ELOVL6: variants seen among roughly 807,000 people sequenced by gnomAD.
The protein encoded by ELOVL6 is very long chain fatty acid elongase 6.
ELOVL6 carries 8 observed loss-of-function variants against 31.7 expected under a neutral mutation model. That is an observed-to-expected ratio of 0.25 (90% CI 0.15 to 0.45). ELOVL6 has a LOEUF of 0.45. Among genes scored for constraint, ELOVL6 ranks in the 20% least tolerant of loss-of-function variants. The pLI, the probability that ELOVL6 is intolerant of heterozygous loss-of-function variation, is 1.00. For synonymous variants in ELOVL6, 101 were observed against 117.7 expected (o/e 0.86, Z 0.92); for missense variants, 126 against 326.4 (o/e 0.39, Z 4.73).
chr4:110,189,864 G>T (rs1156596062), intron 1 of ELOVL6, among the ~76,000 whole-genome samples: 1 of 151,776 alleles, frequency 6.6e-6, no homozygotes, highest in Non-Finnish European at 1.5e-5. Flanking sequence ...CTACTCGGGA[G>T]GCTGAGGCAG....
chr4:110,059,936 G>A (rs1755093160), intron 2 of ELOVL6, 182 bp from the exon 3 acceptor site: 1 of 541,610 alleles, frequency 1.8e-6, no homozygotes, highest in Non-Finnish European at 3.2e-6. Flanking sequence ...TGACTCAAGG[G>A]CTTTATTCTG....
intron 2 of ELOVL6, among the ~76,000 whole-genome samples, chr4:110,076,966 G>A (rs111990895): frequency 0.078 from 11,805 of 152,200 alleles, 613 homozygotes; most frequent in East Asian, 0.18. Flanking sequence ...AGGGTCCTAC[G>A]CCCACAGAGC....
intron 1 of ELOVL6, among the ~76,000 whole-genome samples, chr4:110,108,055 T>C (rs1756933227): frequency 6.6e-6 from 1 of 152,196 alleles, no homozygotes; most frequent in East Asian, 1.9e-4. Flanking sequence ...ACATAATCAT[T>C]GCATAATGTG....
chr4:110,168,001 T>A (rs1432513146), intron 1 of ELOVL6, among the ~76,000 whole-genome samples: 4 of 152,210 alleles, frequency 2.6e-5, no homozygotes, highest in Non-Finnish European at 5.9e-5. Flanking sequence ...ATTAAATGCT[T>A]AATTCCAATT....
At chr4:110,084,962 T>G (rs75940900) in intron 2 of ELOVL6, among the ~76,000 whole-genome samples, 4,286 of 152,200 alleles carry the variant, frequency 0.028, 72 homozygotes, top group Middle Eastern at 0.11. Context: ...ACAGGGTGGA[T>G]AATGACACTA....
At chr4:110,055,516 G>A (rs867698001) in intron 3 of ELOVL6, among the ~76,000 whole-genome samples, 3 of 152,088 alleles carry the variant, frequency 2.0e-5, no homozygotes, top group Non-Finnish European at 4.4e-5. Context: ...CAGCTTTCAG[G>A]CAGGGCATGT....
intron 1 of ELOVL6, among the ~76,000 whole-genome samples, chr4:110,119,638 C>A (rs1757284112): frequency 6.6e-6 from 1 of 152,160 alleles, no homozygotes; most frequent in South Asian, 2.1e-4. Context: ...ATCTATATAT[C>A]TTTTTACATC....
In ELOVL6 at chr4:110,105,532, T is replaced by C. The variant is rs1275021343; in HGVS notation, c.186A>G (p.Pro62=). 3 of 1,613,708 alleles carry C rather than the reference T, an allele frequency of 1.9e-6. No homozygotes were observed. Among genetic ancestry groups the C allele is most frequent in the East Asian group, 2.2e-5 (1 of 44,868 alleles). The change falls in exon 2 of 4, where the codon CCA becomes CCG. Residue 62 remains proline (P), a synonymous_variant. Transcript: ENST00000302274. ...CAAGGGTCAGAGACCAGAGCACTAATGGCTTCCTCAGTTCAAACTTTGCTC... is the reference window on the plus strand; with the variant it reads ...CAAGGGTCAGAGACCAGAGCACTAACGGCTTCCTCAGTTCAAACTTTGCTC... ...NKRAKFELRK[P]LVLWSLTLAV...
chr4:110,123,072 G>C (rs1158286295), intron 1 of ELOVL6, among the ~76,000 whole-genome samples: 1 of 152,086 alleles, frequency 6.6e-6, no homozygotes, highest in African/African-American at 2.4e-5. Context: ...ACTCAACTTT[G>C]TATGCCCAGG....
At chr4:110,084,436 A>G (rs1578468016) in intron 2 of ELOVL6, among the ~76,000 whole-genome samples, 1 of 103,232 alleles carries the variant, frequency 9.7e-6, no homozygotes, top group Non-Finnish European at 1.9e-5. Context: ...CATATATCAT[A>G]TATGATATAT....
At chr4:110,086,511 T>C (rs1756268614) in intron 2 of ELOVL6, among the ~76,000 whole-genome samples, 1 of 152,106 alleles carries the variant, frequency 6.6e-6, no homozygotes, top group Non-Finnish European at 1.5e-5. Flanking sequence ...CACATGAGAG[T>C]AGTGTGTTAG....
chr4:110,181,283 C>T (rs1759264460), intron 1 of ELOVL6, among the ~76,000 whole-genome samples: 1 of 151,980 alleles, frequency 6.6e-6, no homozygotes, highest in Non-Finnish European at 1.5e-5. Flanking sequence ...CCTATGTCTA[C>T]TAAAAATACA....
chr4:110,052,041 C>G (rs1754850263), intron 3 of ELOVL6, among the ~76,000 whole-genome samples: 1 of 152,220 alleles, frequency 6.6e-6, no homozygotes, highest in Non-Finnish European at 1.5e-5. Flanking sequence ...TCTTCACACA[C>G]AGGAGGCAAG....
At chr4:110,121,487 T>C (rs969088019) in intron 1 of ELOVL6, among the ~76,000 whole-genome samples, 1 of 152,102 alleles carries the variant, frequency 6.6e-6, no homozygotes, top group Admixed American at 6.5e-5. Context: ...TTCTTAACAG[T>C]AGTAGTTTTT....
chr4:110,185,031 G>C (rs1002055199), intron 1 of ELOVL6, among the ~76,000 whole-genome samples: 17 of 152,166 alleles, frequency 1.1e-4, no homozygotes, highest in Admixed American at 7.2e-4. Context: ...ATGTAAGTCT[G>C]ATTCAATACC....
intron 1 of ELOVL6, among the ~76,000 whole-genome samples, chr4:110,193,492 CTG>C (rs1759684377): frequency 6.6e-6 from 1 of 152,112 alleles, no homozygotes; most frequent in African/African-American, 2.4e-5. Context: ...GTAATCCCAG[CTG>C]CTTGGGAGGT....
chr4:110,083,990 T>TATATATG (rs1560813377), intron 2 of ELOVL6, among the ~76,000 whole-genome samples: 7 of 96,598 alleles, frequency 7.2e-5, no homozygotes, highest in African/African-American at 2.6e-4. Flanking sequence ...CCATATACGA[T>TATATATG]ATATAACATA....
intron 1 of ELOVL6, among the ~76,000 whole-genome samples, chr4:110,121,020 C>A (rs770321684): frequency 7.2e-5 from 11 of 152,012 alleles, no homozygotes; most frequent in South Asian, 2.1e-4. Context: ...AGGCTGGTCT[C>A]GAACTCCTGA....
At chr4:110,171,904 G>A (rs1758960462) in intron 1 of ELOVL6, among the ~76,000 whole-genome samples, 1 of 151,798 alleles carries the variant, frequency 6.6e-6, no homozygotes, top group Admixed American at 6.6e-5. Context: ...TGCCCAGGCT[G>A]GTCTCGAATT....
Sources: allele counts gnomAD v4.1 joint callset (sites outside exome capture counted in the v4.1 genomes callset), GRCh38; gene constraint gnomAD v4.1.1; transcripts MANE v1.5; gene names NCBI Gene and HGNC (gene_info 2026-07-23, HGNC 2026-07-21).